ELSPBP1: variants seen among roughly 807,000 people sequenced by gnomAD.
ELSPBP1 encodes epididymal sperm binding protein 1.
ELSPBP1 carries 38 observed loss-of-function variants against 33.3 expected under a neutral mutation model. The observed-to-expected ratio is 1.14, with a 90% CI of 0.88 to 1.50. The LOEUF (loss-of-function observed/expected upper bound fraction) is 1.50, where lower values mean the gene tolerates loss of function less well. Ranked by LOEUF, ELSPBP1 falls within the 40% of genes most tolerant of loss-of-function variation. The pLI is 0.00. For missense variants in ELSPBP1, 267 were observed against 263.5 expected, an observed-to-expected ratio of 1.01 and a Z score of -0.09; for synonymous variants, 85 against 94.1, an observed-to-expected ratio of 0.90 and a Z score of 0.56.
chr19:48,001,853 T>A (rs1169514561), intron 1 of ELSPBP1, among the ~76,000 whole-genome samples: 1 of 151,108 alleles, frequency 6.6e-6, no homozygotes, highest in Non-Finnish European at 1.5e-5. Context: ...ATGCTGGCTG[T>A]TTTTTTTTAA....
At chr19:48,010,545 T>A (rs902194502) in intron 2 of ELSPBP1, among the ~76,000 whole-genome samples, 3 of 152,168 alleles carry the variant, frequency 2.0e-5, no homozygotes, top group Admixed American at 6.5e-5. Context: ...GAATTATTTT[T>A]AAAAAATTGG....
chr19:48,005,855 T>C (rs1967012278), intron 1 of ELSPBP1, among the ~76,000 whole-genome samples: 1 of 152,186 alleles, frequency 6.6e-6, no homozygotes. Flanking sequence ...GCCCCATCTG[T>C]GCATATCTGG....
rs1051835761 is a variant in ELSPBP1, at chr19:47,994,776, T to C, written c.-53T>C. 1.3e-5 allele frequency: 2 copies of C among 152,178 alleles called. No homozygotes were observed. The highest frequency in any genetic ancestry group is 2.9e-5 in the Non-Finnish European group (2 of 68,044). 9.4% of individuals were successfully genotyped at this position (152,178 alleles called of 1,614,324 possible). ...GGAGCAGAACCTTAAAGAGAGATCG[T>C]GGAGAGAGCCAGGGCCCAGAAGAAC... On this transcript the variant is annotated 5_prime_UTR_variant, in exon 1 of 7. Coordinates refer to ENST00000339841, the MANE Select transcript of ELSPBP1 (RefSeq NM_022142.5).
At position 48,014,164 on chromosome 19, in the gene ELSPBP1, C is replaced by T; in HGVS notation, c.71-7C>T. The T allele has an allele frequency of 1.2e-6, 2 of 1,611,956 alleles. No homozygotes were observed. Among genetic ancestry groups the T allele is most frequent in the South Asian group, 1.1e-5 (1 of 90,792 alleles). ...CCCCACTCCTGTTTTCTCCTTCTGC[C>T]CTTCAGGGATGCATGAGGAATGTGT... On this transcript the variant is annotated splice_polypyrimidine_tract_variant and splice_region_variant and intron_variant, in intron 2 of 6. Transcript: ENST00000339841.
At position 48,022,163 on chromosome 19, in the gene ELSPBP1, T is replaced by A; in HGVS notation, c.515-7T>A. On this transcript the variant is annotated splice_region_variant and splice_polypyrimidine_tract_variant and intron_variant, in intron 5 of 6. Coordinates refer to ENST00000339841, the MANE Select transcript of ELSPBP1 (RefSeq NM_022142.5). ...TAACCTTTGTTTTATCCCCTTCTGC[T>A]TCCTAGGAATTTCCGCGTTGGTCCC... 6.2e-7 allele frequency: 1 copy of A among 1,609,550 alleles called. No homozygotes were observed. Among genetic ancestry groups the A allele is most frequent in the Non-Finnish European group, 8.5e-7 (1 of 1,177,786 alleles).
intron 1 of ELSPBP1, among the ~76,000 whole-genome samples, chr19:47,997,065 T>C (rs1438377539): frequency 6.6e-6 from 1 of 152,218 alleles, no homozygotes; most frequent in Non-Finnish European, 1.5e-5. Flanking sequence ...TGAAGTACCT[T>C]ATTAAATGTC....
intron 2 of ELSPBP1, among the ~76,000 whole-genome samples, chr19:48,012,716 G>T (rs10410638): frequency 0.17 from 25,453 of 152,034 alleles, 2,180 homozygotes; most frequent in South Asian, 0.23. Context: ...GTCGAAAGTT[G>T]TCCCCTCAAT....
intron 5 of ELSPBP1, among the ~76,000 whole-genome samples, chr19:48,020,573 G>A (rs866882272): frequency 6.6e-6 from 1 of 152,144 alleles, no homozygotes; most frequent in Non-Finnish European, 1.5e-5. Flanking sequence ...AAAGTTTAGC[G>A]AGTTGACGCA....
chr19:48,008,672 C>T lies in ELSPBP1; in HGVS notation c.5C>T (p.Thr2Ile), dbSNP rs759199470. The T allele has an allele frequency of 2.5e-6, 4 of 1,613,504 alleles. No homozygotes were observed. The highest frequency in any genetic ancestry group is 3.4e-6 in the Non-Finnish European group (4 of 1,179,800). ...ACAGAGAAGAGGGCAGCCAAGATGA[C>T]CCGATGGTCCAGTTACCTGTTGGGA... M[T>I]RWSSYLLGWT... is the part of the protein sequence containing the mutation. Residue 2 changes from threonine (T) to isoleucine (I), a missense_variant, in exon 2 of 7, where the codon ACC becomes ATC. Coordinates refer to ENST00000339841, the MANE Select transcript of ELSPBP1 (RefSeq NM_022142.5).
In ELSPBP1 at chr19:47,999,389, T is replaced by TTC. The variant is rs199717788; in HGVS notation, c.-18+4579_-18+4580insCT. Among the ~76,000 whole-genome samples the TTC allele has an allele frequency of 3.2e-3, 459 of 142,936 alleles. 16 individuals carry two copies. In the East Asian group the frequency reaches 0.08, roughly 25 times the overall value. 93.8% of individuals were successfully genotyped at this position (142,936 alleles called of 152,430 possible). On this transcript the variant is annotated intron_variant, in intron 1 of 6. Coordinates refer to ENST00000339841, the MANE Select transcript of ELSPBP1 (RefSeq NM_022142.5). ...ACCCCATACTGAAAGCCTCATTTCT[T>TTC]TTTTTTTTTTTTTTTTTGAGAAAGA...
In ELSPBP1 at chr19:48,013,077, G is replaced by A. The variant is rs143620029; in HGVS notation, c.71-1094G>A. Among the ~76,000 whole-genome samples, 212 of 152,202 alleles carry A rather than the reference G, an allele frequency of 1.4e-3. 1 individual carries two copies. The highest frequency in any genetic ancestry group is 4.6e-3 in the African/African-American group (192 of 41,552). On this transcript the variant is annotated intron_variant, in intron 2 of 6. Transcript: ENST00000339841. ...ATTAAATTGAAGCTTTCTCTTTTGC[G>A]TAAGCAGAAGGACTAAAAGGACCAC...
intron 4 of ELSPBP1, among the ~76,000 whole-genome samples, chr19:48,016,544 CTT>C (rs1967143118): frequency 1.5e-5 from 2 of 135,210 alleles, no homozygotes; most frequent in African/African-American, 5.8e-5. Context: ...TCCTTCCTTC[CTT>C]CCTTCCTTCC....
rs1156432565 is a variant in ELSPBP1 at position 48,014,213 on chromosome 19, C to CTT, written c.114_115insTT (p.Val39LeufsTer58). 1 of 1,613,884 alleles carries CTT rather than the reference C, an allele frequency of 6.2e-7. No homozygotes were observed. ...GTCTTTCCTTTCACCTACAAGGGAT[C>CTT]TGTTTACTTCACTTGCACCCATATT... On this transcript the variant is annotated frameshift_variant, in exon 3 of 7. Coordinates refer to ENST00000339841, the MANE Select transcript of ELSPBP1 (RefSeq NM_022142.5). LOFTEE classifies it high-confidence loss of function.
At chr19:48,000,491 G>A (rs980374672) in intron 1 of ELSPBP1, among the ~76,000 whole-genome samples, 23 of 151,990 alleles carry the variant, frequency 1.5e-4, no homozygotes, top group African/African-American at 4.8e-4. Context: ...CGCCCTCCTC[G>A]GCCTCCCAAA....
At chr19:48,019,649 T>G in intron 4 of ELSPBP1, 70 bp from the exon 5 acceptor site, 1 of 1,482,052 alleles carries the variant, frequency 6.7e-7, no homozygotes, top group Non-Finnish European at 9.2e-7. Context: ...TGGCACAGTT[T>G]GTGTGTCATA....
Position 48,008,736 on chromosome 19 carries a change from A to C in ELSPBP1, c.69A>C (p.Gly23=). ...TFLLYSYESS[G]GMHEECVFPF... is the part of the protein sequence containing the mutation. ...TTCTCTATTCCTATGAGTCAAGTGG[A>C]GGTAAGGACACTCAAAGCAACAGGG... Residue 23 remains glycine, a splice_region_variant and synonymous_variant, in exon 2 of 7, where the codon GGA becomes GGC. Transcript: ENST00000339841. 2.5e-6 allele frequency: 4 copies of C among 1,613,008 alleles called. No homozygotes were observed. Among genetic ancestry groups the C allele is most frequent in the Non-Finnish European group, 3.4e-6 (4 of 1,179,270 alleles).
chr19:47,995,297 T>C (rs140903114), intron 1 of ELSPBP1, among the ~76,000 whole-genome samples: 80 of 152,252 alleles, frequency 5.3e-4, no homozygotes, highest in Middle Eastern at 6.8e-3. Flanking sequence ...TTAAACCAGA[T>C]TCTATGAATG....
chr19:48,015,036 A>G (rs905498078), intron 3 of ELSPBP1, among the ~76,000 whole-genome samples: 1 of 152,058 alleles, frequency 6.6e-6, no homozygotes, highest in Non-Finnish European at 1.5e-5. Flanking sequence ...ATAGCCTGCT[A>G]TTGACGAGAC....
At chr19:48,009,781 C>A (rs1307700517) in intron 2 of ELSPBP1, among the ~76,000 whole-genome samples, 1 of 147,920 alleles carries the variant, frequency 6.8e-6, no homozygotes, top group Non-Finnish European at 1.5e-5. Context: ...CTGCTTGACA[C>A]AATAACATTT....
Sources: gnomAD v4.1 joint callset for allele counts (sites outside exome capture counted in the v4.1 genomes callset) on GRCh38, gnomAD v4.1.1 for gene constraint, MANE v1.5 for transcripts, NCBI Gene and HGNC (gene_info 2026-07-23, HGNC 2026-07-21) for gene names.